The following LRP1B variants were observed in gnomAD, a reference collection of about 807,000 sequenced individuals.
The protein encoded by LRP1B is LDL receptor related protein 1B.
LRP1B carries 217 observed loss-of-function variants against 556.6 expected under a neutral mutation model. That is an observed-to-expected ratio of 0.39 (90% CI 0.35 to 0.44). The LOEUF is 0.44. Ranked by LOEUF, LRP1B falls within the 20% of genes least tolerant of loss-of-function variation. LRP1B has a pLI of 1.00. For synonymous variants in LRP1B, 2,047 were observed against 1,865.8 expected (o/e 1.10, Z -2.50); for missense variants, 5,053 against 5,620.8 (o/e 0.90, Z 3.23).
chr2:141,011,882 C>G (rs1697760391), intron 14 of LRP1B, among the ~76,000 whole-genome samples: 1 of 151,888 alleles, frequency 6.6e-6, no homozygotes. Context: ...ATACATTATT[C>G]CATCGAATAT....
At chr2:141,830,341 C>T (rs2105744557) in intron 1 of LRP1B, among the ~76,000 whole-genome samples, 1 of 151,872 alleles carries the variant, frequency 6.6e-6, no homozygotes, top group Admixed American at 6.6e-5. Flanking sequence ...CACCTCCCAC[C>T]TTTCTTATTT....
At chr2:140,330,237 A>C (rs1436844895) in intron 79 of LRP1B, among the ~76,000 whole-genome samples, 1 of 142,620 alleles carries the variant, frequency 7.0e-6, no homozygotes, top group Non-Finnish European at 1.5e-5. Context: ...AATAATAATA[A>C]TAATATGGAG....
chr2:140,617,942 G>C (rs904752818), intron 41 of LRP1B, among the ~76,000 whole-genome samples: 2 of 151,972 alleles, frequency 1.3e-5, no homozygotes, highest in Non-Finnish European at 2.9e-5. Flanking sequence ...AGGAAATCCT[G>C]TGAACTAAGT....
chr2:141,076,329 G>A (rs1699785485), intron 7 of LRP1B, among the ~76,000 whole-genome samples: 1 of 152,208 alleles, frequency 6.6e-6, no homozygotes, highest in Non-Finnish European at 1.5e-5. Context: ...AACCAGTTGT[G>A]TAGGGCTGTG....
intron 2 of LRP1B, among the ~76,000 whole-genome samples, chr2:141,747,968 T>C (rs571962010): frequency 3.0e-4 from 45 of 152,276 alleles, no homozygotes; most frequent in African/African-American, 6.7e-4. Context: ...AATTCACTAG[T>C]AGTACCCAGT....
chr2:141,518,481 A>C (rs1684406330), intron 2 of LRP1B, among the ~76,000 whole-genome samples: 1 of 152,186 alleles, frequency 6.6e-6, no homozygotes. Flanking sequence ...AAGAAATTTC[A>C]CTTTGGGTGT....
intron 3 of LRP1B, among the ~76,000 whole-genome samples, chr2:141,477,088 A>G (rs1211208116): frequency 6.6e-6 from 1 of 151,924 alleles, no homozygotes; most frequent in Non-Finnish European, 1.5e-5. Context: ...GCGCCATTGC[A>G]CTCCAGCCTG....
chr2:141,221,716 T>C (rs1683050169), intron 6 of LRP1B, among the ~76,000 whole-genome samples: 1 of 152,104 alleles, frequency 6.6e-6, no homozygotes, highest in African/African-American at 2.4e-5. Context: ...ACTGAAATCA[T>C]TACCAACTGT....
At chr2:141,749,072 A>G (rs746941316) in intron 2 of LRP1B, among the ~76,000 whole-genome samples, 2 of 152,198 alleles carry the variant, frequency 1.3e-5, no homozygotes, top group African/African-American at 4.8e-5. Flanking sequence ...ACGAATTTAG[A>G]AAATAACTAA....
At position 140,367,693 on chromosome 2, in the gene LRP1B, T is replaced by C. The variant is rs994218196; in HGVS notation, c.11009-2910A>G. 4.6e-5 allele frequency among the ~76,000 whole-genome samples: 7 copies of C among 151,916 alleles called. No homozygotes were observed. The East Asian group carries it at 1.2e-3, about 25-fold the overall frequency. On this transcript the variant is annotated intron_variant, in intron 71 of 90. Transcript: ENST00000389484. ...GAAATTAAAGAGATGAGTATCAGTA[T>C]GAAGTGAGTATATTGCCTTAACTCA...
At position 140,370,635 on chromosome 2, in the gene LRP1B, T is replaced by A. The variant is rs945263727; in HGVS notation, c.11008+75A>T. The stretch of plus-strand genomic sequence containing the variant: ...AAGATTCTATCCTCTGCCTCTAGCA[T>A]ACACTGTATATTCTGCACAGAACCT... On this transcript the variant is annotated intron_variant, in intron 71 of 90. Transcript: ENST00000389484. 3 of 1,556,764 alleles carry A rather than the reference T, an allele frequency of 1.9e-6. No homozygotes were observed. In the South Asian group the frequency reaches 3.5e-5, roughly 18 times the overall value.
intron 5 of LRP1B, among the ~76,000 whole-genome samples, chr2:141,243,495 A>G (rs1683957117): frequency 6.6e-6 from 1 of 152,202 alleles, no homozygotes; most frequent in Non-Finnish European, 1.5e-5. Context: ...AAGAAAATAA[A>G]TAAATAAATA....
intron 2 of LRP1B, among the ~76,000 whole-genome samples, chr2:141,601,202 G>C (rs1382387018): frequency 8.2e-4 from 122 of 148,936 alleles, no homozygotes; most frequent in African/African-American, 2.1e-3. Context: ...CTGTCTGTCA[G>C]TATCTATCTA....
intron 35 of LRP1B, among the ~76,000 whole-genome samples, chr2:140,760,329 G>T (rs1688871265): frequency 6.6e-6 from 1 of 152,106 alleles, no homozygotes; most frequent in African/African-American, 2.4e-5. Flanking sequence ...CATGCACAGG[G>T]CATTGTTTGG....
chr2:142,061,420 G>T (rs1194071198), intron 1 of LRP1B, among the ~76,000 whole-genome samples: 1 of 151,964 alleles, frequency 6.6e-6, no homozygotes, highest in Non-Finnish European at 1.5e-5. Flanking sequence ...TATTATAACT[G>T]CAGTGAACAC....
At chr2:141,489,599 C>T (rs1249331061) in intron 2 of LRP1B, among the ~76,000 whole-genome samples, 1 of 151,822 alleles carries the variant, frequency 6.6e-6, no homozygotes, top group Non-Finnish European at 1.5e-5. Flanking sequence ...AATATCGAAT[C>T]ACATAATATC....
At chr2:140,252,409 C>T (rs916572409) in intron 86 of LRP1B, among the ~76,000 whole-genome samples, 10 of 151,836 alleles carry the variant, frequency 6.6e-5, no homozygotes, top group Non-Finnish European at 1.5e-4. Flanking sequence ...TATCTAACTT[C>T]TATAAGAATC....
chr2:140,868,452 A>G (rs1039542611), intron 25 of LRP1B, among the ~76,000 whole-genome samples, 189 bp from the exon 26 acceptor site: 2 of 152,052 alleles, frequency 1.3e-5, no homozygotes, highest in Non-Finnish European at 2.9e-5. Flanking sequence ...GCATAAATAT[A>G]TAATTATGAC....
At chr2:141,175,255 A>T (rs186621543) in intron 7 of LRP1B, among the ~76,000 whole-genome samples, 170 of 152,266 alleles carry the variant, frequency 1.1e-3, no homozygotes, top group African/African-American at 3.3e-3. Context: ...CTGGGGAGAA[A>T]TGCAAGGCAG....
Sources: gnomAD v4.1 joint callset for allele counts (sites outside exome capture counted in the v4.1 genomes callset) on GRCh38, gnomAD v4.1.1 for gene constraint, MANE v1.5 for transcripts, NCBI Gene and HGNC (gene_info 2026-07-23, HGNC 2026-07-21) for gene names.